The following KCNIP4 variants were observed in gnomAD, a reference collection of about 807,000 sequenced individuals.
KCNIP4 encodes the protein potassium voltage-gated channel interacting protein 4.
A neutral mutation model predicts 34.0 loss-of-function variants in KCNIP4; 12 were observed. That is an observed-to-expected ratio of 0.35 (90% CI 0.23 to 0.57). KCNIP4 has a LOEUF of 0.57. Among genes scored for constraint, KCNIP4 ranks in the 20% least tolerant of loss-of-function variants. The pLI, the probability that KCNIP4 is intolerant of heterozygous loss-of-function variation, is 0.83. For missense variants in KCNIP4, 238 were observed against 311.7 expected, an observed-to-expected ratio of 0.76 and a Z score of 1.78; for synonymous variants, 124 against 102.2, an observed-to-expected ratio of 1.21 and a Z score of -1.29.
chr4:21,875,427 T>C (rs763803608), intron 1 of KCNIP4, among the ~76,000 whole-genome samples: 8 of 152,212 alleles, frequency 5.3e-5, no homozygotes, highest in Non-Finnish European at 7.3e-5. Flanking sequence ...GTTTTTCACC[T>C]ATTTACTCAT....
At chr4:21,814,843 A>G (rs1721895801) in intron 1 of KCNIP4, among the ~76,000 whole-genome samples, 1 of 152,190 alleles carries the variant, frequency 6.6e-6, no homozygotes, top group African/African-American at 2.4e-5. Context: ...TCAGTTCCAC[A>G]GGAAATACCA....
chr4:21,750,104 G>A (rs1236879333), intron 1 of KCNIP4, among the ~76,000 whole-genome samples: 1 of 152,028 alleles, frequency 6.6e-6, no homozygotes, highest in Non-Finnish European at 1.5e-5. Flanking sequence ...CTCTCTCCAG[G>A]GATATGAATC....
chr4:21,599,905 G>C (rs546703800), intron 1 of KCNIP4, among the ~76,000 whole-genome samples: 1 of 151,942 alleles, frequency 6.6e-6, no homozygotes, highest in African/African-American at 2.4e-5. Context: ...AAGACTTGAC[G>C]ACAATAGAGA....
chr4:21,258,075 T>TA (rs941828167), intron 1 of KCNIP4, among the ~76,000 whole-genome samples: 1 of 152,070 alleles, frequency 6.6e-6, no homozygotes, highest in African/African-American at 2.4e-5. Flanking sequence ...AGCAGAACTT[T>TA]AAAAAAAATT....
At chr4:21,006,918 C>G (rs759589767) in intron 1 of KCNIP4, among the ~76,000 whole-genome samples, 1 of 152,036 alleles carries the variant, frequency 6.6e-6, no homozygotes, top group African/African-American at 2.4e-5. Context: ...TTGGCAAGGT[C>G]TCACAATAAA....
intron 3 of KCNIP4, among the ~76,000 whole-genome samples, chr4:20,792,473 G>A (rs1488933099): frequency 6.6e-6 from 1 of 151,876 alleles, no homozygotes; most frequent in Non-Finnish European, 1.5e-5. Context: ...ATATGCCAAT[G>A]GGATAAATGC....
At chr4:21,165,656 CA>C in intron 1 of KCNIP4, among the ~76,000 whole-genome samples, 2 of 151,996 alleles carry the variant, frequency 1.3e-5, no homozygotes, top group Admixed American at 1.3e-4. Context: ...GATATGAGAC[CA>C]AAAACATAAT....
At chr4:21,448,031 CT>C (rs1470411232) in intron 1 of KCNIP4, among the ~76,000 whole-genome samples, 10 of 152,066 alleles carry the variant, frequency 6.6e-5, no homozygotes, top group Middle Eastern at 3.2e-3. Flanking sequence ...ATAAGGGGAA[CT>C]ACTGTAGGTA....
chr4:20,759,810 G>A (rs1409012674), intron 3 of KCNIP4, among the ~76,000 whole-genome samples: 1 of 152,108 alleles, frequency 6.6e-6, no homozygotes, highest in Non-Finnish European at 1.5e-5. Context: ...CCCCTTGAGT[G>A]GTGGAGACTG....
intron 3 of KCNIP4, among the ~76,000 whole-genome samples, chr4:20,841,870 T>A (rs1171366385): frequency 1.3e-5 from 2 of 152,140 alleles, no homozygotes; most frequent in African/African-American, 4.8e-5. Context: ...CACTCTTGCC[T>A]CATGATTTTG....
chr4:21,360,723 T>TA (rs902800890), intron 1 of KCNIP4, among the ~76,000 whole-genome samples: 3 of 152,036 alleles, frequency 2.0e-5, no homozygotes, highest in Non-Finnish European at 4.4e-5. Context: ...TTTTATATGT[T>TA]AAAAAAATTC....
intron 1 of KCNIP4, among the ~76,000 whole-genome samples, chr4:21,670,439 G>C (rs1180941217): frequency 9.4e-6 from 1 of 106,926 alleles, no homozygotes; most frequent in Non-Finnish European, 1.8e-5. Flanking sequence ...GGGGAGGGGG[G>C]AGGGATAGCA....
At position 21,365,191 on chromosome 4, in the gene KCNIP4, T is replaced by G. The variant is rs542073935; in HGVS notation, c.62-482482A>C. On this transcript the variant is annotated intron_variant, in intron 1 of 8. Coordinates refer to ENST00000382152, the MANE Select transcript of KCNIP4 (RefSeq NM_025221.6). ...ACTAACTTCATTTTCCAGATTATATTGAAATCATCAAAGGCCAGTGCGGTG... is the reference window on the plus strand; with the variant it reads ...ACTAACTTCATTTTCCAGATTATATGGAAATCATCAAAGGCCAGTGCGGTG... Among the ~76,000 whole-genome samples the G allele has an allele frequency of 3.2e-4, 49 of 152,170 alleles. No homozygotes were observed. The South Asian group carries it at 7.7e-3, about 24-fold the overall frequency.
At chr4:21,620,000 G>A (rs1205066236) in intron 1 of KCNIP4, among the ~76,000 whole-genome samples, 1 of 152,206 alleles carries the variant, frequency 6.6e-6, no homozygotes, top group Non-Finnish European at 1.5e-5. Context: ...ATAAAGTGAT[G>A]TAAAGACCAT....
chr4:21,214,707 T>C (rs1403995177), intron 1 of KCNIP4, among the ~76,000 whole-genome samples: 1 of 152,202 alleles, frequency 6.6e-6, no homozygotes, highest in African/African-American at 2.4e-5. Flanking sequence ...GAGAGAGGTA[T>C]ATATGAAATT....
intron 1 of KCNIP4, among the ~76,000 whole-genome samples, chr4:21,151,653 T>C (rs986467684): frequency 6.6e-6 from 1 of 152,062 alleles, no homozygotes; most frequent in Non-Finnish European, 1.5e-5. Flanking sequence ...GCCTCATCTA[T>C]CATCACATTG....
At chr4:20,820,082 A>G (rs1252521246) in intron 3 of KCNIP4, among the ~76,000 whole-genome samples, 1 of 152,220 alleles carries the variant, frequency 6.6e-6, no homozygotes, top group Non-Finnish European at 1.5e-5. Context: ...AATGCTAGAA[A>G]AAGTCTCTAT....
chr4:21,043,014 GC>G (rs1742098677), intron 1 of KCNIP4, among the ~76,000 whole-genome samples: 2 of 152,176 alleles, frequency 1.3e-5, no homozygotes, highest in African/African-American at 4.8e-5. Context: ...ATCAGTTATT[GC>G]CAAGTGCTTT....
intron 3 of KCNIP4, among the ~76,000 whole-genome samples, chr4:20,779,428 A>G (rs1227986313): frequency 6.6e-6 from 1 of 152,094 alleles, no homozygotes; most frequent in Admixed American, 6.6e-5. Flanking sequence ...AGCAAGTAAT[A>G]GAGAAGTGGA....
Sources: gnomAD v4.1 joint callset for allele counts (sites outside exome capture counted in the v4.1 genomes callset) on GRCh38, gnomAD v4.1.1 for gene constraint, MANE v1.5 for transcripts, NCBI Gene and HGNC (gene_info 2026-07-23, HGNC 2026-07-21) for gene names.